Variants in PCDH9 observed in about 807,000 individuals in gnomAD.
PCDH9 encodes protocadherin-9.
Under a neutral mutation model 70.6 loss-of-function variants are expected in PCDH9, and 24 were observed. The ratio of observed to expected loss-of-function variants is 0.34; its 90% CI spans 0.25 to 0.48. The LOEUF is 0.48. Among genes scored for constraint, PCDH9 ranks in the 20% least tolerant of loss-of-function variants. The pLI, the probability that PCDH9 is intolerant of heterozygous loss-of-function variation, is 0.99. For synonymous variants in PCDH9, 562 were observed against 558.5 expected (o/e 1.01, Z -0.09); for missense variants, 1,281 against 1,503.6 (o/e 0.85, Z 2.45).
intron 2 of PCDH9, among the ~76,000 whole-genome samples, chr13:66,924,048 A>G (rs2082679065): frequency 6.6e-6 from 1 of 151,756 alleles, no homozygotes; most frequent in Non-Finnish European, 1.5e-5. Flanking sequence ...GTTGGTACAG[A>G]CGTAAAGCAA....
intron 3 of PCDH9, among the ~76,000 whole-genome samples, chr13:66,834,502 A>G (rs1248558184): frequency 4.6e-5 from 7 of 152,118 alleles, no homozygotes; most frequent in Non-Finnish European, 4.4e-5. Flanking sequence ...CTGTACCCAA[A>G]ATTACTATTT....
At chr13:66,417,245 T>C (rs1350739241) in intron 4 of PCDH9, among the ~76,000 whole-genome samples, 1 of 152,202 alleles carries the variant, frequency 6.6e-6, no homozygotes, top group Non-Finnish European at 1.5e-5. Flanking sequence ...TTCTCATTGT[T>C]CAACTCCCAC....
intron 2 of PCDH9, among the ~76,000 whole-genome samples, chr13:66,932,314 T>A (rs2082824368): frequency 6.6e-6 from 1 of 152,106 alleles, no homozygotes; most frequent in African/African-American, 2.4e-5. Context: ...GCCAGGAGCA[T>A]CCTTTCTGTT....
chr13:67,179,640 A>T (rs1194675165), intron 2 of PCDH9, among the ~76,000 whole-genome samples: 1 of 152,086 alleles, frequency 6.6e-6, no homozygotes, highest in Non-Finnish European at 1.5e-5. Context: ...TGCCTGTCAT[A>T]CTCTATTAGA....
At chr13:66,964,338 T>C (rs769931382) in intron 2 of PCDH9, among the ~76,000 whole-genome samples, 2 of 151,638 alleles carry the variant, frequency 1.3e-5, no homozygotes, top group African/African-American at 2.4e-5. Context: ...ACAAATCTAA[T>C]GGTATTAGTA....
At chr13:66,914,704 A>C (rs999716646) in intron 2 of PCDH9, among the ~76,000 whole-genome samples, 2 of 151,894 alleles carry the variant, frequency 1.3e-5, no homozygotes, top group East Asian at 3.9e-4. Flanking sequence ...GCATTCATTC[A>C]TTCAAATAGT....
intron 2 of PCDH9, among the ~76,000 whole-genome samples, chr13:67,057,923 G>A (rs1227718733): frequency 6.6e-6 from 1 of 151,822 alleles, no homozygotes; most frequent in Non-Finnish European, 1.5e-5. Context: ...GACTCATAGT[G>A]TTCTCTGAAA....
intron 3 of PCDH9, among the ~76,000 whole-genome samples, chr13:66,781,811 G>A (rs376623076): frequency 6.6e-6 from 1 of 152,198 alleles, no homozygotes; most frequent in East Asian, 1.9e-4. Flanking sequence ...CATAAGTAAT[G>A]AACTTACTTT....
intron 4 of PCDH9, among the ~76,000 whole-genome samples, chr13:66,440,168 G>C: frequency 6.6e-6 from 1 of 152,176 alleles, no homozygotes; most frequent in East Asian, 1.9e-4. Context: ...TCATCAAACT[G>C]TTGGTGTAAG....
At chr13:66,321,489 T>C (rs1955753079) in intron 4 of PCDH9, among the ~76,000 whole-genome samples, 1 of 151,878 alleles carries the variant, frequency 6.6e-6, no homozygotes, top group Non-Finnish European at 1.5e-5. Context: ...CATTTTTCGG[T>C]TGATGGTCCT....
chr13:66,924,291 T>C (rs1377516541), intron 2 of PCDH9, among the ~76,000 whole-genome samples: 1 of 151,890 alleles, frequency 6.6e-6, no homozygotes. Flanking sequence ...TTTAAAGCAT[T>C]AACCCTTTCA....
chr13:67,160,845 A>G lies in PCDH9; in HGVS notation c.3036+64560T>C, dbSNP rs184873555. 2.8e-3 allele frequency among the ~76,000 whole-genome samples: 434 copies of G among 152,318 alleles called. 1 individual carries two copies. The highest frequency in any genetic ancestry group is 5.0e-3 in the Non-Finnish European group (341 of 68,020). On this transcript the variant is annotated intron_variant, in intron 2 of 4. Transcript: ENST00000377865. ...GAACATTTGTGTAGCACTGAGTACA[A>G]TTGAATTCTCACACCTTTTGAATTA...
At chr13:66,530,329 A>C (rs1018442907) in intron 4 of PCDH9, among the ~76,000 whole-genome samples, 1 of 152,050 alleles carries the variant, frequency 6.6e-6, no homozygotes, top group Non-Finnish European at 1.5e-5. Context: ...TTATCTACTG[A>C]AACATGAAAA....
intron 4 of PCDH9, among the ~76,000 whole-genome samples, chr13:66,613,422 A>G (rs529768687): frequency 1.4e-3 from 216 of 151,546 alleles, no homozygotes; most frequent in African/African-American, 4.8e-3. Flanking sequence ...TTTTCCCTTT[A>G]TTAGGCTAGG....
intron 4 of PCDH9, among the ~76,000 whole-genome samples, chr13:66,484,779 G>T (rs193034406): frequency 5.3e-5 from 8 of 152,198 alleles, no homozygotes; most frequent in Non-Finnish European, 1.0e-4. Flanking sequence ...TGGGAATATC[G>T]CTTAACTCCT....
At chr13:66,708,948 G>T (rs1411482828) in intron 3 of PCDH9, among the ~76,000 whole-genome samples, 1 of 152,142 alleles carries the variant, frequency 6.6e-6, no homozygotes, top group Non-Finnish European at 1.5e-5. Context: ...TAGTAGTTAT[G>T]GTGTTCTCTG....
rs1023487670 is a variant in PCDH9, at chr13:67,230,165, G to A, written c.-521C>T. On this transcript the variant is annotated 5_prime_UTR_variant, in exon 1 of 5. Transcript: ENST00000377865. ...TTCTTGTAGGAAACGTCAGAGTTGC[G>A]GTGATGATGATTCTCTGACAGCTAT... The A allele has an allele frequency of 6.6e-6, 1 of 152,172 alleles. No individual in the cohort carries two copies. Among genetic ancestry groups the A allele is most frequent in the Non-Finnish European group, 1.5e-5 (1 of 68,034 alleles). The allele number at this position is 152,172 out of a possible 1,614,324, so 9.4% of individuals were successfully genotyped here.
intron 3 of PCDH9, among the ~76,000 whole-genome samples, chr13:66,675,652 T>G (rs1429381367): frequency 6.6e-6 from 1 of 152,126 alleles, no homozygotes; most frequent in Non-Finnish European, 1.5e-5. Context: ...CCTAAAGCAA[T>G]CATAATGATG....
chr13:66,523,173 T>C (rs891117051), intron 4 of PCDH9, among the ~76,000 whole-genome samples: 5 of 152,068 alleles, frequency 3.3e-5, no homozygotes, highest in Admixed American at 6.6e-5. Flanking sequence ...CCTGAATCAT[T>C]ACCTTTGTGT....
Sources: allele counts gnomAD v4.1 joint callset (sites outside exome capture counted in the v4.1 genomes callset), GRCh38; gene constraint gnomAD v4.1.1; transcripts MANE v1.5; gene names NCBI Gene and HGNC (gene_info 2026-07-23, HGNC 2026-07-21).